CSMD3: variants seen among roughly 807,000 people sequenced by gnomAD.
The protein encoded by CSMD3 is CUB and Sushi multiple domains 3.
In CSMD3, 177 loss-of-function variants were observed where a neutral mutation model predicts 435.2. The ratio of observed to expected loss-of-function variants is 0.41; its 90% CI spans 0.36 to 0.46. The LOEUF is 0.46. Ranked by LOEUF, CSMD3 falls within the 20% of genes least tolerant of loss-of-function variation. CSMD3 has a pLI of 0.34. For synonymous variants in CSMD3, 1,656 were observed against 1,520.5 expected (o/e 1.09, Z -2.07); for missense variants, 4,265 against 4,504.6 (o/e 0.95, Z 1.52).
chr8:113,168,029 G>T (rs1242723849), intron 4 of CSMD3, among the ~76,000 whole-genome samples: 1 of 152,052 alleles, frequency 6.6e-6, no homozygotes, highest in Non-Finnish European at 1.5e-5. Flanking sequence ...TCCTCGAAAA[G>T]AACTTTTAAT....
At chr8:113,420,457 C>T (rs1240063768) in intron 1 of CSMD3, among the ~76,000 whole-genome samples, 1 of 151,866 alleles carries the variant, frequency 6.6e-6, no homozygotes, top group Non-Finnish European at 1.5e-5. Context: ...GAATGCCCCT[C>T]CTTAAATTTT....
At chr8:112,319,755 C>G (rs933441363) in intron 46 of CSMD3, 146 bp downstream of exon 46, 1 of 687,376 alleles carries the variant, frequency 1.5e-6, no homozygotes, top group Admixed American at 2.2e-5. Flanking sequence ...ACTCCTTCTC[C>G]CTTCTTAAAA....
intron 27 of CSMD3, among the ~76,000 whole-genome samples, chr8:112,534,104 A>AT (rs1469373669): frequency 2.0e-5 from 3 of 152,270 alleles, no homozygotes; most frequent in African/African-American, 7.2e-5. Flanking sequence ...TAACATCACA[A>AT]TTAAAAGAAC....
chr8:112,446,735 A>G (rs1815646013), intron 32 of CSMD3, among the ~76,000 whole-genome samples: 1 of 152,186 alleles, frequency 6.6e-6, no homozygotes, highest in South Asian at 2.1e-4. Flanking sequence ...AATGACTTCA[A>G]TATAGTTTGC....
intron 10 of CSMD3, among the ~76,000 whole-genome samples, chr8:112,864,432 G>T (rs778595222): frequency 9.2e-5 from 14 of 151,874 alleles, no homozygotes; most frequent in Non-Finnish European, 1.3e-4. Flanking sequence ...TGTACTTTTA[G>T]TAGAGATGAG....
chr8:112,944,384 C>T (rs1320802545), intron 9 of CSMD3, among the ~76,000 whole-genome samples: 1 of 151,608 alleles, frequency 6.6e-6, no homozygotes, highest in African/African-American at 2.4e-5. Flanking sequence ...AATTATGTTT[C>T]TTTACCTCTA....
chr8:113,038,893 C>T (rs1416492040), intron 5 of CSMD3, among the ~76,000 whole-genome samples: 1 of 152,170 alleles, frequency 6.6e-6, no homozygotes, highest in Non-Finnish European at 1.5e-5. Context: ...CATTTTACTT[C>T]ATGCCATTTT....
intron 31 of CSMD3, among the ~76,000 whole-genome samples, chr8:112,488,378 G>T (rs570463057): frequency 6.6e-6 from 1 of 152,222 alleles, no homozygotes; most frequent in South Asian, 2.1e-4. Flanking sequence ...TCTAGGGTGC[G>T]ACTAAGGCAA....
At chr8:112,880,567 C>G (rs1013892770) in intron 10 of CSMD3, among the ~76,000 whole-genome samples, 1 of 152,018 alleles carries the variant, frequency 6.6e-6, no homozygotes, top group African/African-American at 2.4e-5. Context: ...GGGGGAAAGA[C>G]ACACTAAACA....
chr8:112,466,993 G>T (rs1025564800), intron 32 of CSMD3, among the ~76,000 whole-genome samples: 7 of 152,144 alleles, frequency 4.6e-5, no homozygotes, highest in East Asian at 3.9e-4. Flanking sequence ...AAAGATAGTG[G>T]TTGTGAATAA....
At chr8:112,898,507 T>C (rs2082014404) in intron 10 of CSMD3, among the ~76,000 whole-genome samples, 1 of 151,270 alleles carries the variant, frequency 6.6e-6, no homozygotes, top group Non-Finnish European at 1.5e-5. Context: ...TTTAACTTCA[T>C]TTACTTCTTA....
At chr8:112,225,746 C>T (rs1377105648) in intron 70 of CSMD3, among the ~76,000 whole-genome samples, 10 of 152,076 alleles carry the variant, frequency 6.6e-5, no homozygotes, top group Non-Finnish European at 1.5e-5. Flanking sequence ...GAAATGGCTA[C>T]TCTCATACTC....
intron 13 of CSMD3, among the ~76,000 whole-genome samples, chr8:112,760,614 T>C (rs1252007443): frequency 6.6e-6 from 1 of 152,218 alleles, no homozygotes; most frequent in Non-Finnish European, 1.5e-5. Flanking sequence ...TTGCATTGCT[T>C]GGATGCAATC....
intron 14 of CSMD3, among the ~76,000 whole-genome samples, chr8:112,686,728 C>T (rs1242516852): frequency 2.6e-5 from 4 of 152,008 alleles, no homozygotes; most frequent in African/African-American, 9.7e-5. Context: ...TCAAGTGATC[C>T]ACCTGCCTCG....
intron 1 of CSMD3, among the ~76,000 whole-genome samples, chr8:113,349,410 T>G (rs2132899080): frequency 6.6e-6 from 1 of 152,260 alleles, no homozygotes. Flanking sequence ...CTAAATGGCA[T>G]AGATGCTTAA....
chr8:113,432,950 G>T (rs1405876631), intron 1 of CSMD3, among the ~76,000 whole-genome samples: 1 of 152,088 alleles, frequency 6.6e-6, no homozygotes, highest in East Asian at 1.9e-4. Context: ...ACGCACACAC[G>T]CACATCAACA....
At chr8:113,140,378 G>A (rs1313653638) in intron 4 of CSMD3, among the ~76,000 whole-genome samples, 2 of 150,172 alleles carry the variant, frequency 1.3e-5, no homozygotes, top group African/African-American at 4.9e-5. Context: ...TAAGAATATG[G>A]AACAACTCAG....
chr8:113,203,846 C>T (rs1284375188), intron 3 of CSMD3, among the ~76,000 whole-genome samples: 1 of 152,018 alleles, frequency 6.6e-6, no homozygotes, highest in Non-Finnish European at 1.5e-5. Flanking sequence ...GAGAGTTTCA[C>T]TCTTTAACAA....
At chr8:112,962,798 T>C (rs2084279806) in intron 7 of CSMD3, among the ~76,000 whole-genome samples, 1 of 151,922 alleles carries the variant, frequency 6.6e-6, no homozygotes, top group Non-Finnish European at 1.5e-5. Context: ...CCTTTCCAGG[T>C]CCATTCTCCC....
Sources: gnomAD v4.1 joint callset for allele counts (sites outside exome capture counted in the v4.1 genomes callset) on GRCh38, gnomAD v4.1.1 for gene constraint, MANE v1.5 for transcripts, NCBI Gene and HGNC (gene_info 2026-07-23, HGNC 2026-07-21) for gene names.